Variants in TMEM39B observed in about 807,000 individuals in gnomAD.
The protein encoded by TMEM39B is transmembrane protein 39B.
A neutral mutation model predicts 52.2 loss-of-function variants in TMEM39B; 23 were observed. The observed-to-expected ratio is 0.44, with a 90% CI of 0.32 to 0.62. The LOEUF (loss-of-function observed/expected upper bound fraction) is 0.62. TMEM39B is among the 20% of genes least tolerant of loss of function. The pLI, the probability that TMEM39B is intolerant of heterozygous loss-of-function variation, is 0.06. For synonymous variants in TMEM39B, 285 were observed against 264.0 expected, an observed-to-expected ratio of 1.08 and a Z score of -0.77; for missense variants, 547 against 642.0, an observed-to-expected ratio of 0.85 and a Z score of 1.60.
chr1:32,089,898 G>A (rs1399349535), intron 5 of TMEM39B, among the ~76,000 whole-genome samples: 3 of 151,980 alleles, frequency 2.0e-5, no homozygotes, highest in Middle Eastern at 6.8e-3. Flanking sequence ...GCATGATGGC[G>A]GGTGCCTGTA....
rs1439586081 is a variant in TMEM39B, at chr1:32,076,267, A to G, written c.351+445A>G. The G allele has an allele frequency of 1.6e-5, 4 of 254,896 alleles. No individual in the cohort carries two copies. The South Asian group carries it at 1.9e-4, about 12-fold the overall frequency. 15.8% of individuals were successfully genotyped at this position (254,896 alleles called of 1,614,324 possible). A position where few individuals can be genotyped will look rare whatever the true frequency, so the allele number is the denominator to read the frequency against. On this transcript the variant is annotated intron_variant, in intron 3 of 8. Coordinates refer to ENST00000336294, the MANE Select transcript of TMEM39B (RefSeq NM_018056.4). ...GCTGGGATTACAGGTGTGTGCCGCC[A>G]TGTCCGGCTAATTTTGTATTTTTAG...
chr1:32,100,756 T>G, intron 8 of TMEM39B, 194 bp downstream of exon 8: 1 of 702,624 alleles, frequency 1.4e-6, no homozygotes, highest in South Asian at 1.8e-5. Flanking sequence ...CCGGGCATGG[T>G]GGCTCACGCC....
chr1:32,091,528 G>A, intron 5 of TMEM39B, 147 bp from the exon 6 acceptor site: 1 of 841,760 alleles, frequency 1.2e-6, no homozygotes, highest in Non-Finnish European at 1.8e-6. Context: ...GGATGGTAGG[G>A]TGGATGGATG....
intron 7 of TMEM39B, among the ~76,000 whole-genome samples, chr1:32,098,209 C>T (rs1455005920): frequency 6.6e-6 from 1 of 151,486 alleles, no homozygotes; most frequent in Non-Finnish European, 1.5e-5. Flanking sequence ...CCATGTTGGC[C>T]AGGCTGGTCT....
At chr1:32,080,695 G>C (rs1389769816) in intron 5 of TMEM39B, among the ~76,000 whole-genome samples, 1 of 140,780 alleles carries the variant, frequency 7.1e-6, no homozygotes, top group Non-Finnish European at 1.6e-5. Context: ...AAAAAAAAAA[G>C]AGTTGCCTTA....
chr1:32,101,240 A>T (rs1641008017), intron 8 of TMEM39B, among the ~76,000 whole-genome samples: 1 of 152,074 alleles, frequency 6.6e-6, no homozygotes, highest in Non-Finnish European at 1.5e-5. Context: ...TACGTGAAAG[A>T]TATGCTAGGG....
chr1:32,092,319 A>G (rs866203365), intron 6 of TMEM39B, among the ~76,000 whole-genome samples: 2 of 151,814 alleles, frequency 1.3e-5, no homozygotes, highest in African/African-American at 4.8e-5. Context: ...ACCATGCCCA[A>G]CTAATTTTAA....
chr1:32,077,070 G>T, intron 4 of TMEM39B, 94 bp from the exon 5 acceptor site: 1 of 1,542,364 alleles, frequency 6.5e-7, no homozygotes, highest in Non-Finnish European at 8.8e-7. Context: ...ACCTCTCCCT[G>T]GGTGGGATCA....
intron 7 of TMEM39B, among the ~76,000 whole-genome samples, chr1:32,099,173 G>A (rs529737772): frequency 6.6e-6 from 1 of 151,684 alleles, no homozygotes; most frequent in Non-Finnish European, 1.5e-5. Context: ...GGAGGTGGAG[G>A]TTGCAGTGAG....
chr1:32,082,776 G>GT (rs1232051555), intron 5 of TMEM39B, among the ~76,000 whole-genome samples: 1 of 139,988 alleles, frequency 7.1e-6, no homozygotes, highest in Non-Finnish European at 1.6e-5. Flanking sequence ...TTTGTTTTTT[G>GT]TTTTTTGTTT....
chr1:32,077,180 A>G lies in TMEM39B; in HGVS notation c.452A>G (p.Lys151Arg), dbSNP rs1295880946. 1 of 1,614,064 alleles carries G rather than the reference A, an allele frequency of 6.2e-7. No individual in the cohort carries two copies. Among genetic ancestry groups the G allele is most frequent in the South Asian group, 1.1e-5 (1 of 91,080 alleles). The change falls in exon 5 of 9, where the codon AAG becomes AGG. Residue 151 changes from lysine (K) to arginine (R), a missense_variant. Physicochemically the swap from Lys to Arg is conservative, Grantham distance 26. Coordinates refer to ENST00000336294, the MANE Select transcript of TMEM39B (RefSeq NM_018056.4). ...CCGACCCAGGCCTCTCAGAGGGGGA[A>G]GGTCTCCCTCTTTCGCTCCATCCTG... ...SIVKEASQRG[K>R]VSLFRSILLF...
intron 5 of TMEM39B, among the ~76,000 whole-genome samples, chr1:32,077,799 CAT>C (rs1639929489): frequency 6.6e-6 from 1 of 152,138 alleles, no homozygotes; most frequent in Non-Finnish European, 1.5e-5. Flanking sequence ...ATGCATGAAG[CAT>C]GTGTGTGTGC....
intron 5 of TMEM39B, among the ~76,000 whole-genome samples, chr1:32,085,963 A>C (rs962360534): frequency 2.0e-5 from 3 of 152,004 alleles, no homozygotes; most frequent in Admixed American, 2.0e-4. Flanking sequence ...CTTTAAGTAC[A>C]TGGGCAGGGC....
intron 6 of TMEM39B, 101 bp from the exon 7 acceptor site, chr1:32,094,683 C>T: frequency 1.5e-6 from 2 of 1,339,874 alleles, no homozygotes; most frequent in Non-Finnish European, 1.1e-6. Flanking sequence ...TGAGGTCTCC[C>T]CAGGACTGTC....
intron 8 of TMEM39B, 29 bp from the exon 9 acceptor site, chr1:32,102,402 T>A: frequency 1.9e-6 from 3 of 1,603,052 alleles, no homozygotes; most frequent in Non-Finnish European, 1.7e-6. Context: ...GAGCACACCT[T>A]TTAGCCATGC....
Position 32,092,004 on chromosome 1 carries a change from T to C in TMEM39B, c.920T>C (p.Phe307Ser). ...TATGTGGCCTTTGTGCCTGTCTGGT[T>C]CGTGAAGGTGCGTACCTCAAGCCAG... The part of the protein sequence containing the change: ...AYYVAFVPVW[F>S]VKNTHYYDKR... Residue 307 changes from phenylalanine to serine, a missense_variant, in exon 6 of 9, where the codon TTC becomes TCC. Transcript: ENST00000336294. The C allele has an allele frequency of 1.9e-6, 3 of 1,613,406 alleles. No individual in the cohort carries two copies. The highest frequency in any genetic ancestry group is 1.7e-6 in the Non-Finnish European group (2 of 1,179,544).
At chr1:32,097,733 C>G (rs1405014604) in intron 7 of TMEM39B, among the ~76,000 whole-genome samples, 2 of 151,734 alleles carry the variant, frequency 1.3e-5, no homozygotes, top group African/African-American at 2.4e-5. Context: ...CAAGCTCCGC[C>G]TCCCAGGTTC....
Position 32,077,142 on chromosome 1 carries a change from G to A in TMEM39B, c.436-22G>A, listed in dbSNP as rs567595520. ...CGGCCTCCATCCAAGGCCCCATCCCGTCCTATCTTGCCCCGACCCAGGCCT... is the reference window on the plus strand; with the variant it reads ...CGGCCTCCATCCAAGGCCCCATCCCATCCTATCTTGCCCCGACCCAGGCCT... On this transcript the variant is annotated intron_variant, in intron 4 of 8. Transcript: ENST00000336294. 34 of 1,613,390 alleles carry A rather than the reference G, an allele frequency of 2.1e-5. No individual in the cohort carries two copies. In the Admixed American group the frequency reaches 3.3e-4, roughly 16 times the overall value.
rs758245665 is a variant in TMEM39B, at chr1:32,073,018, C to T, written c.-30C>T. On this transcript the variant is annotated 5_prime_UTR_variant, in exon 1 of 9. Transcript: ENST00000336294. Reference sequence around the variant, plus strand: ...GACATATTGCCCGCAGGAGCTGCGGCGGCGAAGCGGAGAGCACCGGGGGGA... The same window carrying T: ...GACATATTGCCCGCAGGAGCTGCGGTGGCGAAGCGGAGAGCACCGGGGGGA... 2 of 1,529,656 alleles carry T rather than the reference C, an allele frequency of 1.3e-6. No individual in the cohort carries two copies. The highest frequency in any genetic ancestry group is 1.8e-6 in the Non-Finnish European group (2 of 1,136,798). 94.8% of individuals were successfully genotyped at this position (1,529,656 alleles called of 1,614,324 possible).
Sources: gnomAD v4.1 joint callset for allele counts (sites outside exome capture counted in the v4.1 genomes callset) on GRCh38, gnomAD v4.1.1 for gene constraint, MANE v1.5 for transcripts, NCBI Gene and HGNC (gene_info 2026-07-23, HGNC 2026-07-21) for gene names.